Variants in SYT10 observed in about 807,000 individuals in gnomAD.
SYT10 encodes synaptotagmin-10.
A neutral mutation model predicts 51.1 loss-of-function variants in SYT10; 31 were observed. The ratio of observed to expected loss-of-function variants is 0.61; its 90% confidence interval spans 0.46 to 0.82. The LOEUF is 0.82. Ranked by LOEUF, SYT10 falls within the 40% of genes least tolerant of loss-of-function variation. The pLI is 0.00. For missense variants in SYT10, 603 were observed against 634.0 expected (o/e 0.95, Z 0.53); for synonymous variants, 233 against 225.9 (o/e 1.03, Z -0.28).
chr12:33,416,154 T>C (rs1351214392), intron 2 of SYT10, among the ~76,000 whole-genome samples: 3 of 152,090 alleles, frequency 2.0e-5, no homozygotes, highest in Non-Finnish European at 2.9e-5. Context: ...GATCTCAGCT[T>C]ACAGCAACCT....
chr12:33,407,664 A>G lies in SYT10; in HGVS notation c.510-308T>C, dbSNP rs138615277. On this transcript the variant is annotated intron_variant, in intron 2 of 6. Transcript: ENST00000228567. The stretch of plus-strand genomic sequence containing the variant: ...TCTGTCACCCTAGCTGGAGTACGGT[A>G]GTGCTATTATAGCTCACTGTAGCTT... The G allele has an allele frequency of 1.8e-3, 490 of 278,340 alleles. 2 individuals carry two copies. The highest frequency in any genetic ancestry group is 2.6e-3 in the Non-Finnish European group (381 of 148,288). 17.2% of individuals were successfully genotyped at this position (278,340 alleles called of 1,614,324 possible).
intron 2 of SYT10, among the ~76,000 whole-genome samples, chr12:33,417,305 G>A (rs1450102803): frequency 6.6e-6 from 1 of 151,936 alleles, no homozygotes; most frequent in Non-Finnish European, 1.5e-5. Flanking sequence ...GGATGATCTC[G>A]GGAGTGGAGC....
At chr12:33,382,064 G>A (rs1358275039) in intron 5 of SYT10, among the ~76,000 whole-genome samples, 1 of 152,032 alleles carries the variant, frequency 6.6e-6, no homozygotes, top group Non-Finnish European at 1.5e-5. Flanking sequence ...AATCTCTGTT[G>A]TTACTATAAA....
In SYT10 at chr12:33,439,727, G is replaced by C. The variant is rs1277685740; in HGVS notation, c.-205C>G. The stretch of plus-strand genomic sequence containing the variant: ...GAGGGCGTAGGGGAAGGAGAGGCGC[G>C]CGAGGAGGCTGCGGCTGCCGCGAGG... On this transcript the variant is annotated 5_prime_UTR_variant, in exon 1 of 7. Transcript: ENST00000228567. 1.7e-6 allele frequency: 1 copy of C among 593,746 alleles called. No homozygotes were observed. The highest frequency in any genetic ancestry group is 2.8e-6 in the Non-Finnish European group (1 of 356,118). 36.8% of individuals were successfully genotyped at this position (593,746 alleles called of 1,614,324 possible).
At chr12:33,397,556 C>T (rs994338303) in intron 3 of SYT10, among the ~76,000 whole-genome samples, 2 of 152,098 alleles carry the variant, frequency 1.3e-5, no homozygotes, top group South Asian at 4.2e-4. Flanking sequence ...AAGTCTGAAC[C>T]AAACCGACCA....
intron 1 of SYT10, 82 bp from the exon 2 acceptor site, chr12:33,426,577 T>C (rs772754727): frequency 1.4e-5 from 16 of 1,160,122 alleles, no homozygotes; most frequent in Non-Finnish European, 1.8e-5. Flanking sequence ...TACATCATAA[T>C]TGTTATTATT....
At position 33,398,284 on chromosome 12, in the gene SYT10, C is replaced by T. The variant is rs188132428; in HGVS notation, c.1077+8505G>A. ...ATCCCAGCACTTTGGGAGGCTGAGG[C>T]GGGTGGATCATGAGGTCAGGAGATC... On this transcript the variant is annotated intron_variant, in intron 3 of 6. Coordinates refer to ENST00000228567, the MANE Select transcript of SYT10 (RefSeq NM_198992.4). Among the ~76,000 whole-genome samples the T allele has an allele frequency of 2.0e-3, 305 of 152,084 alleles. 1 individual carries two copies. Among genetic ancestry groups the T allele is most frequent in the African/African-American group, 6.7e-3 (277 of 41,494 alleles).
chr12:33,419,775 A>C (rs1370398878), intron 2 of SYT10, among the ~76,000 whole-genome samples: 1 of 152,224 alleles, frequency 6.6e-6, no homozygotes, highest in African/African-American at 2.4e-5. Flanking sequence ...ATTAGCTTGG[A>C]AAATACTTCT....
At chr12:33,403,539 G>C (rs1475653985) in intron 3 of SYT10, among the ~76,000 whole-genome samples, 1 of 152,006 alleles carries the variant, frequency 6.6e-6, no homozygotes, top group Non-Finnish European at 1.5e-5. Context: ...CTGGCCAATA[G>C]TCTTTTAATC....
intron 2 of SYT10, among the ~76,000 whole-genome samples, chr12:33,416,911 G>T (rs1398777754): frequency 6.6e-6 from 1 of 152,158 alleles, no homozygotes; most frequent in Non-Finnish European, 1.5e-5. Flanking sequence ...ATTCGTTATA[G>T]ATAGGAGCAT....
In SYT10 at chr12:33,381,204, C is replaced by T. The variant is rs1180234393; in HGVS notation, c.1370+1145G>A. ...GGATTCAAGAGTTCGCTCTCTCTTT[C>T]TAAATAGTAGTCACAAGTTAAAATT... On this transcript the variant is annotated intron_variant, in intron 5 of 6. Coordinates refer to ENST00000228567, the MANE Select transcript of SYT10 (RefSeq NM_198992.4). Among the ~76,000 whole-genome samples the T allele has an allele frequency of 3.9e-5, 6 of 152,112 alleles. No individual in the cohort carries two copies. In the East Asian group the frequency reaches 1.2e-3, roughly 29 times the overall value.
At position 33,407,273 on chromosome 12, in the gene SYT10, T is replaced by C. The variant is rs1866365660; in HGVS notation, c.593A>G (p.Gln198Arg). The change falls in exon 3 of 7, where the codon CAA (glutamine) becomes CGA (arginine). Residue 198 changes from glutamine to arginine, a missense_variant. Coordinates refer to ENST00000228567, the MANE Select transcript of SYT10 (RefSeq NM_198992.4). ...AATGCTGGTTGTTGTTTCTCCTCGTTGTAAAACAGGTTCTGTGCCCATGCT... is the reference window on the plus strand; with the variant it reads ...AATGCTGGTTGTTGTTTCTCCTCGTCGTAAAACAGGTTCTGTGCCCATGCT... ...DFSMGTEPVL[Q>R]RGETTTSIGR... The C allele has an allele frequency of 1.9e-6, 3 of 1,613,630 alleles. No homozygotes were observed. Among genetic ancestry groups the C allele is most frequent in the Admixed American group, 3.3e-5 (2 of 60,028 alleles).
At chr12:33,428,058 T>C (rs1178049882) in intron 1 of SYT10, among the ~76,000 whole-genome samples, 4 of 152,182 alleles carry the variant, frequency 2.6e-5, no homozygotes, top group Non-Finnish European at 5.9e-5. Context: ...GAGCTATCCA[T>C]GTGAGAGACT....
chr12:33,383,726 C>A (rs2138385833), intron 4 of SYT10, among the ~76,000 whole-genome samples: 1 of 152,204 alleles, frequency 6.6e-6, no homozygotes, highest in African/African-American at 2.4e-5. Flanking sequence ...CTACATTTCT[C>A]TGCTTGTGAC....
intron 2 of SYT10, among the ~76,000 whole-genome samples, chr12:33,417,800 G>C (rs1866467627): frequency 6.6e-6 from 1 of 151,622 alleles, no homozygotes; most frequent in Non-Finnish European, 1.5e-5. Context: ...AGAGAATTGA[G>C]GGTGTACACA....
At chr12:33,393,233 T>A (rs1255896025) in intron 3 of SYT10, among the ~76,000 whole-genome samples, 1 of 152,066 alleles carries the variant, frequency 6.6e-6, no homozygotes, top group African/African-American at 2.4e-5. Context: ...ACATAGATAC[T>A]GAGACAAGTG....
intron 2 of SYT10, among the ~76,000 whole-genome samples, chr12:33,414,051 A>C (rs1591992583): frequency 6.6e-6 from 1 of 152,104 alleles, no homozygotes; most frequent in Non-Finnish European, 1.5e-5. Flanking sequence ...CTGATAAAAC[A>C]GACTTTAAAC....
At position 33,376,751 on chromosome 12, in the gene SYT10, A is replaced by T. The variant is rs1325301960; in HGVS notation, c.*79T>A. ...GTACGGATATATTTCAAATGAGGAA[A>T]CCAAACCTTCCACTTTTTTTCTGAT... On this transcript the variant is annotated 3_prime_UTR_variant, in exon 7 of 7. Coordinates refer to ENST00000228567, the MANE Select transcript of SYT10 (RefSeq NM_198992.4). 2.2e-5 allele frequency: 34 copies of T among 1,534,400 alleles called. No homozygotes were observed. The highest frequency in any genetic ancestry group is 3.1e-5 in the Non-Finnish European group (34 of 1,112,640).
chr12:33,432,115 T>A (rs1417474201), intron 1 of SYT10, among the ~76,000 whole-genome samples: 1 of 152,136 alleles, frequency 6.6e-6, no homozygotes, highest in African/African-American at 2.4e-5. Context: ...GTCAGAGTGA[T>A]ATAAGATTTC....
Sources: allele counts gnomAD v4.1 joint callset (sites outside exome capture counted in the v4.1 genomes callset), GRCh38; gene constraint gnomAD v4.1.1; transcripts MANE v1.5; gene names NCBI Gene and HGNC (gene_info 2026-07-23, HGNC 2026-07-21).